Variants in ASH1L observed in about 807,000 individuals in gnomAD.
The protein encoded by ASH1L is ASH1 like histone lysine methyltransferase.
ASH1L carries 23 observed loss-of-function variants against 269.0 expected under a neutral mutation model. The observed-to-expected ratio is 0.09, with a 90% CI of 0.06 to 0.12. ASH1L has a LOEUF of 0.12. Ranked by LOEUF, ASH1L falls within the 10% of genes least tolerant of loss-of-function variation. ASH1L has a pLI of 1.00. For missense variants in ASH1L, 2,912 were observed against 3,567.8 expected, an observed-to-expected ratio of 0.82 and a Z score of 4.68; for synonymous variants, 1,187 against 1,253.5, an observed-to-expected ratio of 0.95 and a Z score of 1.12.
intron 5 of ASH1L, among the ~76,000 whole-genome samples, chr1:155,418,450 T>C (rs1478729346): frequency 6.6e-6 from 1 of 151,920 alleles, no homozygotes; most frequent in Admixed American, 6.6e-5. Context: ...CACAAACTGA[T>C]AGAGATTAAA....
chr1:155,484,476 A>G (rs1024755708), intron 2 of ASH1L, among the ~76,000 whole-genome samples: 12 of 152,290 alleles, frequency 7.9e-5, no homozygotes, highest in Non-Finnish European at 1.6e-4. Flanking sequence ...CGAAAGAGCA[A>G]GACTCTGTCT....
chr1:155,465,356 T>C (rs966402243), intron 3 of ASH1L, among the ~76,000 whole-genome samples: 6 of 151,582 alleles, frequency 4.0e-5, no homozygotes, highest in African/African-American at 1.5e-4. Flanking sequence ...CATATGTTTC[T>C]TTAGCCTAAG....
rs775143337 is a variant in ASH1L, at chr1:155,415,772, G to A, written c.5980C>T (p.Leu1994=). The change falls in exon 6 of 28, where the codon CTG becomes TTG. Residue 1994 remains leucine, a synonymous_variant. Coordinates refer to ENST00000392403, the MANE Select transcript of ASH1L (RefSeq NM_018489.3). ...PPKKKYQKAG[L]YSDVYKTTDP... ...GTAGTTTTGTAAACGTCAGAATACA[G>A]CCCTGCTTTCTGATACTTCTTCTTT... is the stretch of plus-strand genomic sequence containing the variant. 9 of 1,613,910 alleles carry A rather than the reference G, an allele frequency of 5.6e-6. No individual in the cohort carries two copies. In the South Asian group the frequency reaches 9.9e-5, roughly 18 times the overall value.
At chr1:155,558,868 G>A (rs1402767139) in intron 1 of ASH1L, among the ~76,000 whole-genome samples, 1 of 98,884 alleles carries the variant, frequency 1.0e-5, no homozygotes. Flanking sequence ...TTTTTTTTTT[G>A]AGAGAGTCAC....
rs1317484718 is a variant in ASH1L at position 155,395,716 on chromosome 1, TG to T, written c.6009-164del. Among the ~76,000 whole-genome samples the T allele has an allele frequency of 3.9e-5, 6 of 152,242 alleles. No individual in the cohort carries two copies. In the East Asian group the frequency reaches 1.2e-3, roughly 29 times the overall value. On this transcript the variant is annotated intron_variant, in intron 6 of 27. Coordinates refer to ENST00000392403, the MANE Select transcript of ASH1L (RefSeq NM_018489.3). ...AAACTGTCCTTAAGAAAGAGGCTCC[TG>T]GCTGGGCGTGGGGGTTCACGCCTGT...
Position 155,459,789 on chromosome 1 carries a change from G to A in ASH1L, c.5086+8C>T. Reference sequence around the variant, plus strand: ...TCTTGAAAATCTGGTAAAACAAATAGCACTAGCCTGTTGAAGAAGTACTCT... The same window carrying A: ...TCTTGAAAATCTGGTAAAACAAATAACACTAGCCTGTTGAAGAAGTACTCT... On this transcript the variant is annotated splice_region_variant and intron_variant, in intron 4 of 27. Transcript: ENST00000392403. 6.2e-7 allele frequency: 1 copy of A among 1,602,722 alleles called. No homozygotes were observed. Among genetic ancestry groups the A allele is most frequent in the Non-Finnish European group, 8.5e-7 (1 of 1,170,532 alleles).
Position 155,477,947 on chromosome 1 carries a change from T to C in ASH1L, c.4923A>G (p.Leu1641=). ...GTGACTCCTTTCTGTGAAGCCGATT[T>C]AGTGAAGTGTCCTGTGCAGAAAAGA... ...PGLFSAQDTS[L]NRLHRKESLP... is the part of the protein sequence containing the mutation. The change falls in exon 3 of 28, where the codon CTA becomes CTG. Residue 1641 remains leucine (L), a synonymous_variant. Transcript: ENST00000392403. 1.2e-6 allele frequency: 2 copies of C among 1,614,198 alleles called. No individual in the cohort carries two copies. The highest frequency in any genetic ancestry group is 1.7e-6 in the Non-Finnish European group (2 of 1,179,982).
intron 14 of ASH1L, 60 bp from the exon 15 acceptor site, chr1:155,357,470 A>G (rs1354079141): frequency 1.9e-5 from 31 of 1,591,608 alleles, no homozygotes; most frequent in Non-Finnish European, 2.7e-5. Flanking sequence ...AATAATCTCC[A>G]AGAATATTAA....
rs768992275 is a variant in ASH1L at position 155,343,797 on chromosome 1, T to C, written c.7982-55A>G. Reference sequence around the variant, plus strand: ...TAAAACAATTCTTGTATGAATTCTGTTAGGCATCTGTTTATCTGACTCAGG... The same window carrying C: ...TAAAACAATTCTTGTATGAATTCTGCTAGGCATCTGTTTATCTGACTCAGG... On this transcript the variant is annotated intron_variant, in intron 22 of 27. Coordinates refer to ENST00000392403, the MANE Select transcript of ASH1L (RefSeq NM_018489.3). This position sits in a 1 kb window ranked among gnomAD's most constrained non-coding sequence, Gnocchi z 6.1. The C allele has an allele frequency of 1.3e-4, 204 of 1,595,766 alleles. 2 individuals are homozygous for C. The highest frequency in any genetic ancestry group is 1.0e-3 in the Middle Eastern group (6 of 5,946).
At chr1:155,482,733 C>A (rs546016386) in intron 2 of ASH1L, among the ~76,000 whole-genome samples, 1 of 152,040 alleles carries the variant, frequency 6.6e-6, no homozygotes, top group Non-Finnish European at 1.5e-5. Context: ...TTTTAAATGG[C>A]AAATCAATAG....
At chr1:155,411,963 C>T (rs891665044) in intron 6 of ASH1L, among the ~76,000 whole-genome samples, 1 of 151,922 alleles carries the variant, frequency 6.6e-6, no homozygotes, top group African/African-American at 2.4e-5. Context: ...AAAAAGAGGC[C>T]GGGCGCTGTG....
At chr1:155,352,946 T>C (rs1654059774) in intron 16 of ASH1L, 88 bp from the exon 17 acceptor site, 1 of 1,313,282 alleles carries the variant, frequency 7.6e-7, no homozygotes, top group Non-Finnish European at 1.0e-6. Flanking sequence ...CCATTTGCTC[T>C]ATTTTCCCCT....
At chr1:155,483,800 T>G (rs898367994) in intron 2 of ASH1L, among the ~76,000 whole-genome samples, 2 of 151,654 alleles carry the variant, frequency 1.3e-5, no homozygotes, top group African/African-American at 4.8e-5. Flanking sequence ...AATGGAATAT[T>G]GAGAAATTGT....
Position 155,470,366 on chromosome 1 carries a change from G to A in ASH1L, c.4984+7520C>T, listed in dbSNP as rs1200781631. 2.0e-5 allele frequency among the ~76,000 whole-genome samples: 3 copies of A among 152,022 alleles called. No homozygotes were observed. The East Asian group carries it at 5.8e-4, about 30-fold the overall frequency. On this transcript the variant is annotated intron_variant, in intron 3 of 27. Coordinates refer to ENST00000392403, the MANE Select transcript of ASH1L (RefSeq NM_018489.3). ...CCCAGCTACTCAGGAGGCTGAGGCA[G>A]GAGAATTGCTTGAGCCTGGGAGGCG...
At chr1:155,474,756 TTC>T (rs958351090) in intron 3 of ASH1L, among the ~76,000 whole-genome samples, 3 of 152,086 alleles carry the variant, frequency 2.0e-5, no homozygotes, top group African/African-American at 7.2e-5. Context: ...TCCTATAGTC[TTC>T]TCTCTCTTAG....
intron 6 of ASH1L, among the ~76,000 whole-genome samples, chr1:155,405,964 G>A (rs913842080): frequency 1.3e-5 from 2 of 152,054 alleles, no homozygotes; most frequent in African/African-American, 4.8e-5. Flanking sequence ...AGCGGTTTGG[G>A]AGGCCGAGGC....
rs774233095 is a variant in ASH1L, at chr1:155,479,149, G to A, written c.3721C>T (p.Leu1241=). 1.2e-6 allele frequency: 2 copies of A among 1,613,962 alleles called. No homozygotes were observed. The highest frequency in any genetic ancestry group is 2.7e-5 in the African/African-American group (2 of 74,886). ...TTATGTTTTTCTTTAAGACTGCTTA[G>A]CACTGTAGAGGTTTCAGGGGGAATC... is the stretch of plus-strand genomic sequence containing the variant. ...SLIPPETSTV[L]SSLKEKHKHK... Residue 1241 remains leucine, a synonymous_variant, in exon 3 of 28, where the codon CTA becomes TTA. Coordinates refer to ENST00000392403, the MANE Select transcript of ASH1L (RefSeq NM_018489.3).
At chr1:155,339,297 T>C (rs1160400648) in intron 26 of ASH1L, 31 bp downstream of exon 26, 2 of 1,605,468 alleles carry the variant, frequency 1.2e-6, no homozygotes, top group South Asian at 1.1e-5. Flanking sequence ...GTCAATCCCT[T>C]AGGATCCTCA....
intron 1 of ASH1L, among the ~76,000 whole-genome samples, chr1:155,540,878 C>A (rs1358871047): frequency 6.6e-6 from 1 of 152,186 alleles, no homozygotes; most frequent in East Asian, 1.9e-4. Context: ...TCCTTTAGAA[C>A]ATACAGTTAG....
Sources: gnomAD v4.1 joint callset for allele counts (sites outside exome capture counted in the v4.1 genomes callset) on GRCh38, gnomAD v4.1.1 for gene constraint, Gnocchi (gnomAD v3.1) non-coding constraint, MANE v1.5 for transcripts, NCBI Gene and HGNC (gene_info 2026-07-23, HGNC 2026-07-21) for gene names.